TBC1D8: variants seen among roughly 807,000 people sequenced by gnomAD.
TBC1D8 encodes the protein BUB2-like protein 1.
A neutral mutation model predicts 118.8 loss-of-function variants in TBC1D8; 65 were observed. The observed-to-expected ratio is 0.55, with a 90% CI of 0.45 to 0.67. The LOEUF is 0.67. Ranked by LOEUF, TBC1D8 falls within the 30% of genes least tolerant of loss-of-function variation. The pLI is 0.00. For synonymous variants in TBC1D8, 566 were observed against 595.8 expected, an observed-to-expected ratio of 0.95 and a Z score of 0.73; for missense variants, 1,376 against 1,471.2, an observed-to-expected ratio of 0.94 and a Z score of 1.06.
intron 15 of TBC1D8, among the ~76,000 whole-genome samples, chr2:101,024,402 A>ATTTTTTTTTTTTTT (rs34272976): frequency 8.3e-6 from 1 of 121,160 alleles, no homozygotes; most frequent in Non-Finnish European, 1.7e-5. Flanking sequence ...TGGGACTGTA[A>ATTTTTTTTTTTTTT]TTTTTTTTTT....
At chr2:101,111,303 G>C (rs1677568973) in intron 1 of TBC1D8, among the ~76,000 whole-genome samples, 1 of 152,200 alleles carries the variant, frequency 6.6e-6, no homozygotes, top group African/African-American at 2.4e-5. Flanking sequence ...CAGCAGAGCA[G>C]CGGACAAAGC....
Position 101,151,184 on chromosome 2 carries a change from A to G in TBC1D8, c.70T>C (p.Cys24Arg). ...LKLWVTQKSS[C>R]YFILQRRRGH... ...CGGCGCCGCTGCAGGATGAAGTAGC[A>G]GCTGCTCTTCTGGGTCACCCAGAGC... is the stretch of plus-strand genomic sequence containing the variant. Residue 24 changes from cysteine to arginine, a missense_variant, in exon 1 of 20, where the codon TGC becomes CGC. Transcript: ENST00000409318. 8.0e-7 allele frequency: 1 copy of G among 1,251,400 alleles called. No individual in the cohort carries two copies. Among genetic ancestry groups the G allele is most frequent in the Non-Finnish European group, 1.0e-6 (1 of 972,040 alleles). The allele number at this position is 1,251,400 out of a possible 1,614,324, so 77.5% of individuals were successfully genotyped here. A position where few individuals can be genotyped will look rare whatever the true frequency, so the allele number is the denominator to read the frequency against.
At chr2:101,093,444 C>T (rs1372494451) in intron 1 of TBC1D8, among the ~76,000 whole-genome samples, 2 of 152,178 alleles carry the variant, frequency 1.3e-5, no homozygotes, top group East Asian at 1.9e-4. Flanking sequence ...TAGAGAAAAG[C>T]GAGTTCACAC....
rs540098863 is a variant in TBC1D8, at chr2:101,147,835, G to C, written c.127+3292C>G. On this transcript the variant is annotated intron_variant, in intron 1 of 19. Coordinates refer to ENST00000409318, the MANE Select transcript of TBC1D8 (RefSeq NM_001330348.2). ...CTCTTTCCCACATGCTAACATCTCC[G>C]GGCTCTTTGTTCTCCCAGAGCTGGC... Among the ~76,000 whole-genome samples, 66 of 152,160 alleles carry C rather than the reference G, an allele frequency of 4.3e-4. No individual in the cohort carries two copies. The Middle Eastern group carries it at 0.01, about 24-fold the overall frequency.
At position 101,054,291 on chromosome 2, in the gene TBC1D8, C is replaced by T; in HGVS notation, c.448G>A (p.Glu150Lys). 3.2e-6 allele frequency: 5 copies of T among 1,586,550 alleles called. No homozygotes were observed. Among genetic ancestry groups the T allele is most frequent in the Non-Finnish European group, 4.3e-6 (5 of 1,166,144 alleles). Residue 150 changes from glutamate (E) to lysine (K), a missense_variant, in exon 4 of 20, where the codon GAG becomes AAG. Glu to Lys is a moderately conservative substitution (Grantham distance 56). Coordinates refer to ENST00000409318, the MANE Select transcript of TBC1D8 (RefSeq NM_001330348.2). The stretch of plus-strand genomic sequence containing the variant: ...GCTTCTCGGAATTTCTCGGGTTCCT[C>T]CTCCTGCTCGGCGAGCCTGCTGCTG... ...ETSSRLAEQEEEPEKFREALV... is the reference protein window; with the variant it reads ...ETSSRLAEQEKEPEKFREALV...
intron 2 of TBC1D8, among the ~76,000 whole-genome samples, chr2:101,060,734 C>T (rs1682706302): frequency 6.6e-6 from 1 of 152,184 alleles, no homozygotes; most frequent in Non-Finnish European, 1.5e-5. Context: ...TCCTGGACAA[C>T]AAAAGGCACG....
Position 101,050,451 on chromosome 2 carries a change from C to A in TBC1D8, c.822G>T (p.Glu274Asp). Reference protein sequence around the residue: ...DVTLRRLLDNEVFDLDPDLQE... With the variant: ...DVTLRRLLDNDVFDLDPDLQE... ...GCAGATCGGGGTCGAGGTCAAAGAC[C>A]TCATTATCCAGCAGCCTTCGCAGCG... Residue 274 changes from glutamate to aspartate, a missense_variant, in exon 5 of 20, where the codon GAG (glutamate) becomes GAT (aspartate). By Grantham distance (45) the Glu-to-Asp change is conservative. Coordinates refer to ENST00000409318, the MANE Select transcript of TBC1D8 (RefSeq NM_001330348.2). The A allele has an allele frequency of 6.2e-7, 1 of 1,613,902 alleles. No homozygotes were observed. The highest frequency in any genetic ancestry group is 1.3e-5 in the African/African-American group (1 of 75,048).
chr2:101,119,660 A>G (rs904724374), intron 1 of TBC1D8, among the ~76,000 whole-genome samples: 8 of 152,238 alleles, frequency 5.3e-5, no homozygotes, highest in Middle Eastern at 3.2e-3. Flanking sequence ...CTGTGCAGCC[A>G]AGACCAGGAC....
At chr2:101,141,769 A>G (rs998044268) in intron 1 of TBC1D8, among the ~76,000 whole-genome samples, 9 of 151,906 alleles carry the variant, frequency 5.9e-5, no homozygotes, top group African/African-American at 1.9e-4. Flanking sequence ...CATACAATTG[A>G]AAAAGAATAC....
chr2:101,027,502 A>G, intron 14 of TBC1D8, 51 bp from the exon 15 acceptor site: 1 of 1,548,158 alleles, frequency 6.5e-7, no homozygotes, highest in Non-Finnish European at 8.9e-7. Flanking sequence ...CTGCACCCCC[A>G]GGGGTCAGGG....
chr2:101,073,510 G>A (rs1203618580), intron 2 of TBC1D8, among the ~76,000 whole-genome samples: 7 of 152,038 alleles, frequency 4.6e-5, no homozygotes, highest in African/African-American at 1.7e-4. Flanking sequence ...TAGCCAGGAT[G>A]GTCTCGATCT....
At chr2:101,115,321 G>A (rs1677774181) in intron 1 of TBC1D8, among the ~76,000 whole-genome samples, 1 of 152,190 alleles carries the variant, frequency 6.6e-6, no homozygotes, top group Admixed American at 6.5e-5. Context: ...AGATGGAGTG[G>A]AGGAGACTTA....
intron 2 of TBC1D8, among the ~76,000 whole-genome samples, chr2:101,089,817 G>A (rs150990093): frequency 4.0e-5 from 6 of 151,552 alleles, no homozygotes; most frequent in South Asian, 2.1e-4. Context: ...AAAATGGCTC[G>A]ATTCGTTATC....
chr2:101,085,115 T>G (rs1675525404), intron 2 of TBC1D8, among the ~76,000 whole-genome samples: 1 of 152,080 alleles, frequency 6.6e-6, no homozygotes, highest in South Asian at 2.1e-4. Flanking sequence ...CCTCCCAAAG[T>G]GCTGGGATTA....
intron 7 of TBC1D8, among the ~76,000 whole-genome samples, chr2:101,037,930 C>T (rs1312760505): frequency 1.3e-5 from 2 of 152,090 alleles, no homozygotes; most frequent in Admixed American, 6.5e-5. Context: ...GAACCTGGGT[C>T]CGTATCTGGG....
chr2:101,045,774 A>G (rs1363127912), intron 5 of TBC1D8, among the ~76,000 whole-genome samples: 1 of 152,174 alleles, frequency 6.6e-6, no homozygotes, highest in African/African-American at 2.4e-5. Context: ...CGAGAGGATC[A>G]CTTGAGACCA....
intron 1 of TBC1D8, among the ~76,000 whole-genome samples, chr2:101,095,502 G>C (rs180903077): frequency 1.3e-4 from 19 of 149,224 alleles, no homozygotes; most frequent in African/African-American, 4.7e-4. Flanking sequence ...AACATGCGGT[G>C]TTTGGTTTTT....
At chr2:101,070,416 ATTT>A (rs67281797) in intron 2 of TBC1D8, among the ~76,000 whole-genome samples, 1 of 144,586 alleles carries the variant, frequency 6.9e-6, no homozygotes. Context: ...AACAAATCTG[ATTT>A]TTTTTTTTTT....
Position 101,059,534 on chromosome 2 carries a change from T to C in TBC1D8, c.289A>G (p.Thr97Ala). The C allele has an allele frequency of 1.2e-6, 2 of 1,610,848 alleles. No individual in the cohort carries two copies. Among genetic ancestry groups the C allele is most frequent in the South Asian group, 1.1e-5 (1 of 90,788 alleles). The change falls in exon 3 of 20, where the codon ACA becomes GCA. Residue 97 changes from threonine (T) to alanine (A), a missense_variant. Thr to Ala is a moderately conservative substitution (Grantham distance 58, BLOSUM62 0). Coordinates refer to ENST00000409318, the MANE Select transcript of TBC1D8 (RefSeq NM_001330348.2). The part of the protein sequence containing the change: ...DVYWAIATGA[T>A]LEEINQHWDW... Reference sequence around the variant, plus strand: ...CAGTGCTGATTGATTTCCTCTAATGTTGCACCTGGATTCAAACAGAAAAAG... The same window carrying C: ...CAGTGCTGATTGATTTCCTCTAATGCTGCACCTGGATTCAAACAGAAAAAG...
Sources: gnomAD v4.1 joint callset for allele counts (sites outside exome capture counted in the v4.1 genomes callset) on GRCh38, gnomAD v4.1.1 for gene constraint, MANE v1.5 for transcripts, NCBI Gene and HGNC (gene_info 2026-07-23, HGNC 2026-07-21) for gene names.